The following OTOGL variants were observed in gnomAD, a reference collection of about 807,000 sequenced individuals.
OTOGL encodes otogelin like, also known as otogelin-like protein.
OTOGL carries 285 observed loss-of-function variants against 318.5 expected under a neutral mutation model. The ratio of observed to expected loss-of-function variants is 0.89; its 90% CI spans 0.81 to 0.99. The LOEUF (loss-of-function observed/expected upper bound fraction) is 0.99, where lower values mean the gene tolerates loss of function less well. OTOGL is among the 50% of genes least tolerant of loss of function. The probability of loss-of-function intolerance (pLI) is 0.00; values close to 1 mark genes in which losing one functional copy is unlikely to be tolerated. For missense variants in OTOGL, 2,899 were observed against 2,845.6 expected, an observed-to-expected ratio of 1.02 and a Z score of -0.43; for synonymous variants, 987 against 936.5, an observed-to-expected ratio of 1.05 and a Z score of -0.99.
intron 26 of OTOGL, among the ~76,000 whole-genome samples, chr12:80,279,962 GT>G (rs912499992): frequency 5.1e-4 from 76 of 149,736 alleles, no homozygotes; most frequent in Non-Finnish European, 7.8e-4. Flanking sequence ...GCCAACATCT[GT>G]TTTTTTTTGA....
In OTOGL at chr12:80,256,496, TCAAACAAA is replaced by T. The variant is rs59551371; in HGVS notation, c.1711+56_1711+63del. On this transcript the variant is annotated intron_variant, in intron 17 of 58. Coordinates refer to ENST00000547103, the MANE Select transcript of OTOGL (RefSeq NM_001378609.3). ...GTGCTAATGGTGTACTTTCTTTACA[TCAAACAAA>T]CAAACAAACAAACAAACAACACACG... is the stretch of plus-strand genomic sequence containing the variant. 3,171 of 1,391,844 alleles carry T rather than the reference TCAAACAAA, an allele frequency of 2.3e-3. 3 individuals carry two copies. The highest frequency in any genetic ancestry group is 2.6e-3 in the Non-Finnish European group (2,783 of 1,053,178). 86.2% of individuals were successfully genotyped at this position (1,391,844 alleles called of 1,614,324 possible). A position where few individuals can be genotyped will look rare whatever the true frequency, so the allele number is the denominator to read the frequency against.
chr12:80,253,055 T>C (rs1881711922), intron 13 of OTOGL, among the ~76,000 whole-genome samples: 1 of 152,204 alleles, frequency 6.6e-6, no homozygotes, highest in African/African-American at 2.4e-5. Context: ...CGCATGGTCT[T>C]GGACATTTGA....
intron 1 of OTOGL, among the ~76,000 whole-genome samples, chr12:80,181,630 A>ATTTTTTTTT (rs61577097): frequency 0.012 from 1,832 of 147,456 alleles, 38 homozygotes; most frequent in African/African-American, 0.043. Context: ...GAGGATCAAG[A>ATTTTTTTTT]TTTTTTTTTT....
intron 40 of OTOGL, 62 bp downstream of exon 40, chr12:80,336,617 A>C (rs1488964752): frequency 1.3e-6 from 2 of 1,519,372 alleles, no homozygotes; most frequent in Non-Finnish European, 1.8e-6. Flanking sequence ...GTCTATTGCA[A>C]CATCAGGGAT....
chr12:80,250,459 A>G (rs1364297847), intron 11 of OTOGL, among the ~76,000 whole-genome samples: 1 of 152,184 alleles, frequency 6.6e-6, no homozygotes, highest in Non-Finnish European at 1.5e-5. Flanking sequence ...GCTAACTTTT[A>G]AAACCACCGT....
rs764694550 is a variant in OTOGL at position 80,219,854 on chromosome 12, T to C, written c.276T>C (p.Ser92=). ...PYECLNGAFC[S]KTGTCDCQIF... Reference sequence around the variant, plus strand: ...AATGCCTTAATGGAGCTTTCTGTTCTAAGACTGGAACATGTGACTGTCAAA... The same window carrying C: ...AATGCCTTAATGGAGCTTTCTGTTCCAAGACTGGAACATGTGACTGTCAAA... Residue 92 remains serine (S), a synonymous_variant, in exon 6 of 59, where the codon TCT becomes TCC. Coordinates refer to ENST00000547103, the MANE Select transcript of OTOGL (RefSeq NM_001378609.3). The C allele has an allele frequency of 6.3e-7, 1 of 1,594,644 alleles. No individual in the cohort carries two copies. Among genetic ancestry groups the C allele is most frequent in the Non-Finnish European group, 8.5e-7 (1 of 1,176,038 alleles).
intron 1 of OTOGL, among the ~76,000 whole-genome samples, chr12:80,128,549 C>G (rs928764831): frequency 6.6e-6 from 1 of 152,182 alleles, no homozygotes; most frequent in Non-Finnish European, 1.5e-5. Flanking sequence ...CTGGGAGAAC[C>G]ACTACTCTCT....
At chr12:80,363,353 T>C (rs949005243) in intron 52 of OTOGL, among the ~76,000 whole-genome samples, 3 of 152,096 alleles carry the variant, frequency 2.0e-5, no homozygotes, top group African/African-American at 7.2e-5. Context: ...AGGGAGATGT[T>C]TCTATTTGTG....
In OTOGL at chr12:80,355,857, T is replaced by C; in HGVS notation, c.5715T>C (p.Cys1905=). 6.2e-7 allele frequency: 1 copy of C among 1,613,904 alleles called. No homozygotes were observed. Among genetic ancestry groups the C allele is most frequent in the Non-Finnish European group, 8.5e-7 (1 of 1,179,846 alleles). ...NGSIIPIEPD[C]DEEPTPVCER... ...GCATTATCCCTATAGAACCTGACTGTGATGAAGAGCCCACGCCAGTTTGTG... is the reference window on the plus strand; with the variant it reads ...GCATTATCCCTATAGAACCTGACTGCGATGAAGAGCCCACGCCAGTTTGTG... Residue 1905 remains cysteine (C), a synonymous_variant, in exon 47 of 59, where the codon TGT becomes TGC. Coordinates refer to ENST00000547103, the MANE Select transcript of OTOGL (RefSeq NM_001378609.3).
chr12:80,242,417 C>T (rs1880462038), intron 11 of OTOGL, among the ~76,000 whole-genome samples: 2 of 152,044 alleles, frequency 1.3e-5, no homozygotes, highest in Non-Finnish European at 2.9e-5. Flanking sequence ...ATTAAGTGGA[C>T]GTTGATAAAA....
chr12:80,342,078 A>C lies in OTOGL; in HGVS notation c.5181A>C (p.Arg1727Ser). Residue 1727 changes from arginine (R) to serine (S), a missense_variant, in exon 44 of 59, where the codon AGA (arginine) becomes AGC (serine). Arg to Ser is a moderately radical substitution (Grantham distance 110). Transcript: ENST00000547103. ...AATCATTTGAAGTAACAATGAGAAG[A>C]CCTGTTAGGAATTGTACTGAGCATG... ...IEKSFEVTMR[R>S]PVRNCTEHDC... The C allele has an allele frequency of 6.2e-7, 1 of 1,607,166 alleles. No homozygotes were observed.
At chr12:80,285,582 G>A (rs1884555383) in intron 26 of OTOGL, among the ~76,000 whole-genome samples, 1 of 151,982 alleles carries the variant, frequency 6.6e-6, no homozygotes, top group African/African-American at 2.4e-5. Flanking sequence ...TTCTTGAAGA[G>A]ATCCTTCACA....
At chr12:80,285,353 C>G (rs1286442227) in intron 26 of OTOGL, among the ~76,000 whole-genome samples, 4 of 152,088 alleles carry the variant, frequency 2.6e-5, no homozygotes, top group Non-Finnish European at 5.9e-5. Flanking sequence ...ATTATCTTGG[C>G]TATATGGGCT....
chr12:80,232,957 A>C lies in OTOGL; in HGVS notation c.677A>C (p.Lys226Thr). 1 of 1,599,312 alleles carries C rather than the reference A, an allele frequency of 6.3e-7. No homozygotes were observed. Residue 226 changes from lysine (K) to threonine (T), a missense_variant, in exon 9 of 59, where the codon AAA (lysine) becomes ACA (threonine). Coordinates refer to ENST00000547103, the MANE Select transcript of OTOGL (RefSeq NM_001378609.3). Reference sequence around the variant, plus strand: ...AAACTAGCTGACTACATTCTTGTGAAAACAACCTTTGGCTTTTCATTGGCT... The same window carrying C: ...AAACTAGCTGACTACATTCTTGTGACAACAACCTTTGGCTTTTCATTGGCT... Reference protein sequence around the residue: ...IEKLADYILVKTTFGFSLAWD... With the variant: ...IEKLADYILVTTTFGFSLAWD...
chr12:80,282,372 C>G (rs1164807293), intron 26 of OTOGL, among the ~76,000 whole-genome samples: 3 of 151,824 alleles, frequency 2.0e-5, no homozygotes. Flanking sequence ...GCCTTTTAAA[C>G]TTAAGGAAGG....
At chr12:80,345,127 ATAT>A (rs1342259910) in intron 44 of OTOGL, among the ~76,000 whole-genome samples, 1 of 134,424 alleles carries the variant, frequency 7.4e-6, no homozygotes, top group African/African-American at 2.8e-5. Context: ...ATTATGTTAT[ATAT>A]TATAATATAT....
intron 56 of OTOGL, 70 bp from the exon 57 acceptor site, chr12:80,371,949 C>T: frequency 2.0e-6 from 2 of 1,015,844 alleles, no homozygotes; most frequent in Non-Finnish European, 2.8e-6. Context: ...AGTTAGTTTT[C>T]TTTTTCTAGT....
intron 44 of OTOGL, among the ~76,000 whole-genome samples, chr12:80,347,581 G>A (rs1477605100): frequency 3.3e-5 from 5 of 151,926 alleles, no homozygotes; most frequent in Admixed American, 3.3e-4. Flanking sequence ...TTGCTATTAT[G>A]AACAGTGCTG....
At chr12:80,373,595 G>A (rs1265018737) in intron 57 of OTOGL, among the ~76,000 whole-genome samples, 1 of 151,720 alleles carries the variant, frequency 6.6e-6, no homozygotes, top group African/African-American at 2.4e-5. Flanking sequence ...TTTTAGATAT[G>A]TAGAGTCATA....
Sources: gnomAD v4.1 joint callset for allele counts (sites outside exome capture counted in the v4.1 genomes callset) on GRCh38, gnomAD v4.1.1 for gene constraint, MANE v1.5 for transcripts, NCBI Gene and HGNC (gene_info 2026-07-23, HGNC 2026-07-21) for gene names.